LSAMP: variants seen among roughly 807,000 people sequenced by gnomAD.
LSAMP encodes limbic system associated membrane protein, also known as limbic system-associated membrane protein.
A neutral mutation model predicts 38.6 loss-of-function variants in LSAMP; 7 were observed. The ratio of observed to expected loss-of-function variants is 0.18; its 90% CI spans 0.10 to 0.34. The LOEUF is 0.34. Ranked by LOEUF, LSAMP falls within the 10% of genes least tolerant of loss-of-function variation. LSAMP has a pLI of 1.00. For missense variants in LSAMP, 313 were observed against 420.0 expected (o/e 0.75, Z 2.23); for synonymous variants, 154 against 166.8 (o/e 0.92, Z 0.59).
intron 2 of LSAMP, among the ~76,000 whole-genome samples, chr3:116,080,839 C>T (rs1707856139): frequency 6.6e-6 from 1 of 150,856 alleles, no homozygotes; most frequent in Admixed American, 6.6e-5. Flanking sequence ...ATCTAACTTC[C>T]AATTCTTATT....
intron 1 of LSAMP, among the ~76,000 whole-genome samples, chr3:116,188,001 T>C (rs1481887474): frequency 6.6e-6 from 1 of 152,166 alleles, no homozygotes; most frequent in African/African-American, 2.4e-5. Context: ...TGTGTCCGTG[T>C]GTTTTCATCA....
intron 3 of LSAMP, among the ~76,000 whole-genome samples, chr3:115,953,925 A>G (rs922076278): frequency 3.3e-5 from 5 of 152,080 alleles, no homozygotes; most frequent in African/African-American, 1.2e-4. Flanking sequence ...TTCATTTCTC[A>G]GGTCAAATGT....
At chr3:116,350,449 A>C (rs1355009893) in intron 1 of LSAMP, among the ~76,000 whole-genome samples, 1 of 152,006 alleles carries the variant, frequency 6.6e-6, no homozygotes, top group Non-Finnish European at 1.5e-5. Context: ...GCAATTCATA[A>C]GTTTCAAATT....
At chr3:116,016,153 A>C (rs1336571438) in intron 3 of LSAMP, among the ~76,000 whole-genome samples, 1 of 152,152 alleles carries the variant, frequency 6.6e-6, no homozygotes, top group Non-Finnish European at 1.5e-5. Flanking sequence ...GGCTGAAAAG[A>C]ATCACCTACG....
intron 3 of LSAMP, among the ~76,000 whole-genome samples, chr3:115,889,569 CT>C (rs1936543210): frequency 6.6e-6 from 1 of 151,920 alleles, no homozygotes; most frequent in South Asian, 2.1e-4. Flanking sequence ...TTCAGTCCTG[CT>C]TTGGCCCCCA....
chr3:115,989,396 G>T (rs1413392404), intron 3 of LSAMP, among the ~76,000 whole-genome samples: 2 of 152,066 alleles, frequency 1.3e-5, no homozygotes, highest in South Asian at 4.1e-4. Flanking sequence ...TAATAACAAA[G>T]CTTGATATTG....
intron 1 of LSAMP, among the ~76,000 whole-genome samples, chr3:116,392,508 C>A (rs1172017487): frequency 1.3e-5 from 2 of 152,242 alleles, no homozygotes; most frequent in Non-Finnish European, 2.9e-5. Flanking sequence ...AGGGCACTGA[C>A]AAGCACAGGA....
intron 1 of LSAMP, among the ~76,000 whole-genome samples, chr3:116,371,634 G>A (rs1255612658): frequency 6.6e-6 from 1 of 152,014 alleles, no homozygotes; most frequent in Admixed American, 6.6e-5. Context: ...ACAAGGCAAG[G>A]GTGTGTGCTT....
intron 1 of LSAMP, among the ~76,000 whole-genome samples, chr3:116,132,566 T>G (rs982492882): frequency 1.3e-5 from 2 of 152,218 alleles, no homozygotes; most frequent in African/African-American, 2.4e-5. Context: ...CGTGAACTTC[T>G]CATGAATGAA....
chr3:116,413,341 C>T (rs1333567510), intron 1 of LSAMP, among the ~76,000 whole-genome samples: 2 of 151,814 alleles, frequency 1.3e-5, no homozygotes, highest in Non-Finnish European at 2.9e-5. Flanking sequence ...TACCTAAATG[C>T]CTAATAAAAT....
intron 1 of LSAMP, among the ~76,000 whole-genome samples, chr3:116,397,223 AT>A (rs1559853655): frequency 6.6e-6 from 1 of 152,054 alleles, no homozygotes; most frequent in Admixed American, 6.6e-5. Context: ...CTTTGATTTC[AT>A]GTATTTTCTC....
chr3:115,904,859 T>C (rs1936970148), intron 3 of LSAMP, among the ~76,000 whole-genome samples: 1 of 152,194 alleles, frequency 6.6e-6, no homozygotes, highest in Non-Finnish European at 1.5e-5. Context: ...GTCCTCTGAC[T>C]TCACACTCCT....
At chr3:116,237,332 T>C (rs1405858317) in intron 1 of LSAMP, among the ~76,000 whole-genome samples, 2 of 152,182 alleles carry the variant, frequency 1.3e-5, no homozygotes, top group Non-Finnish European at 2.9e-5. Flanking sequence ...AAACATTCAA[T>C]TCAGCAGCAA....
chr3:116,055,019 G>C (rs1001904547), intron 2 of LSAMP, among the ~76,000 whole-genome samples: 4 of 152,148 alleles, frequency 2.6e-5, no homozygotes, highest in Non-Finnish European at 5.9e-5. Context: ...CTGAGTATAG[G>C]TGACATAAGA....
chr3:116,439,881 C>T (rs950871033), intron 1 of LSAMP, among the ~76,000 whole-genome samples: 2 of 152,200 alleles, frequency 1.3e-5, no homozygotes, highest in Non-Finnish European at 1.5e-5. Context: ...CGCCACCACG[C>T]CCAGCTAGTT....
At chr3:115,817,994 T>C (rs968397773) in intron 6 of LSAMP, among the ~76,000 whole-genome samples, 1 of 152,170 alleles carries the variant, frequency 6.6e-6, no homozygotes, top group Non-Finnish European at 1.5e-5. Context: ...TGAAAGGCAG[T>C]GTGGAGAATA....
chr3:115,918,450 A>T (rs1937302753), intron 3 of LSAMP, among the ~76,000 whole-genome samples: 1 of 152,184 alleles, frequency 6.6e-6, no homozygotes, highest in Non-Finnish European at 1.5e-5. Context: ...CTCTTAGAAT[A>T]GCCTGCTAAA....
At chr3:115,873,950 A>T (rs887828782) in intron 3 of LSAMP, among the ~76,000 whole-genome samples, 8 of 152,132 alleles carry the variant, frequency 5.3e-5, no homozygotes, top group Non-Finnish European at 1.2e-4. Flanking sequence ...TGCATTTCTG[A>T]AGGCACTGAC....
At chr3:115,887,456 C>G (rs1164609193) in intron 3 of LSAMP, among the ~76,000 whole-genome samples, 1 of 151,874 alleles carries the variant, frequency 6.6e-6, no homozygotes, top group African/African-American at 2.4e-5. Context: ...GAATGAAATA[C>G]TTCAACAAGT....
Sources: allele counts gnomAD v4.1 joint callset (sites outside exome capture counted in the v4.1 genomes callset), GRCh38; gene constraint gnomAD v4.1.1; transcripts MANE v1.5; gene names NCBI Gene and HGNC (gene_info 2026-07-23, HGNC 2026-07-21).